GRIA4: variants seen among roughly 807,000 people sequenced by gnomAD.
The protein encoded by GRIA4 is glutamate receptor 4.
Under a neutral mutation model 104.0 loss-of-function variants are expected in GRIA4, and 34 were observed. That is an observed-to-expected ratio of 0.33 (90% CI 0.25 to 0.44). The LOEUF (loss-of-function observed/expected upper bound fraction) is 0.44, where lower values mean the gene tolerates loss of function less well. Ranked by LOEUF, GRIA4 falls within the 20% of genes least tolerant of loss-of-function variation. The pLI is 1.00. For synonymous variants in GRIA4, 386 were observed against 381.9 expected (o/e 1.01, Z -0.13); for missense variants, 750 against 1,096.5 (o/e 0.68, Z 4.46).
intron 3 of GRIA4, among the ~76,000 whole-genome samples, chr11:105,670,093 A>C (rs1478156387): frequency 6.6e-6 from 1 of 152,138 alleles, no homozygotes; most frequent in Non-Finnish European, 1.5e-5. Context: ...ATAAAAAAAT[A>C]AATTTTATTT....
At position 105,910,454 on chromosome 11, in the gene GRIA4, T is replaced by C. The variant is rs1947196504; in HGVS notation, c.1178T>C (p.Met393Thr). The change falls in exon 10 of 17, where the codon ATG (methionine) becomes ACG (threonine). Residue 393 changes from methionine (M) to threonine (T), a missense_variant. Around this residue, in one of 3 missense-constraint regions of GRIA4, gnomAD observed 410 missense variants for 502.7 expected, o/e 0.82. Transcript: ENST00000282499. ...TGGCAGGTTGGTTACTGGAATGATA[T>C]GGATAAGTTAGTCTTGATTCAAGAT... ...GPRKVGYWND[M>T]DKLVLIQDVP... is the part of the protein sequence containing the mutation. 1 of 1,575,592 alleles carries C rather than the reference T, an allele frequency of 6.3e-7. No individual in the cohort carries two copies. Among genetic ancestry groups the C allele is most frequent in the Non-Finnish European group, 8.7e-7 (1 of 1,145,122 alleles).
chr11:105,626,925 G>A (rs1243134203), intron 3 of GRIA4, among the ~76,000 whole-genome samples: 4 of 152,168 alleles, frequency 2.6e-5, no homozygotes, highest in African/African-American at 7.2e-5. Flanking sequence ...TTTAAAGCAC[G>A]AGTTATTTAG....
chr11:105,732,902 T>C (rs77700657), intron 3 of GRIA4, among the ~76,000 whole-genome samples: 1 of 152,308 alleles, frequency 6.6e-6, no homozygotes, highest in East Asian at 1.9e-4. Flanking sequence ...TAACATCCAT[T>C]ACGCTATTAT....
chr11:105,692,839 T>C (rs969234133), intron 3 of GRIA4, among the ~76,000 whole-genome samples: 1 of 152,096 alleles, frequency 6.6e-6, no homozygotes, highest in African/African-American at 2.4e-5. Context: ...ATAGTATACT[T>C]TACTTCAGTT....
chr11:105,611,425 G>A (rs1950477349), intron 2 of GRIA4, among the ~76,000 whole-genome samples: 1 of 151,776 alleles, frequency 6.6e-6, no homozygotes, highest in South Asian at 2.1e-4. Context: ...TTTCTCTAAA[G>A]CATAAAGTGA....
At position 105,789,383 on chromosome 11, in the gene GRIA4, G is replaced by A. The variant is rs144344727; in HGVS notation, c.487+36163G>A. Among the ~76,000 whole-genome samples the A allele has an allele frequency of 2.6e-3, 399 of 152,206 alleles. No individual in the cohort carries two copies. The Middle Eastern group carries it at 0.031, about 12-fold the overall frequency. ...GAGAAAGCTTTCCAAGATGATTCAA[G>A]CCCCCATTGATTTTTATCTTCTCCG... is the stretch of plus-strand genomic sequence containing the variant. On this transcript the variant is annotated intron_variant, in intron 4 of 16. Transcript: ENST00000282499.
chr11:105,828,505 G>T (rs1172403019), intron 4 of GRIA4, among the ~76,000 whole-genome samples: 1 of 151,882 alleles, frequency 6.6e-6, no homozygotes, highest in Non-Finnish European at 1.5e-5. Flanking sequence ...CTAATACAGG[G>T]TATTATCTGA....
At chr11:105,790,258 C>G (rs1484483621) in intron 4 of GRIA4, among the ~76,000 whole-genome samples, 1 of 152,174 alleles carries the variant, frequency 6.6e-6, no homozygotes, top group Non-Finnish European at 1.5e-5. Context: ...TCTAGCTCAC[C>G]TGTCAGAGAG....
At chr11:105,778,458 A>T (rs555852087) in intron 4 of GRIA4, among the ~76,000 whole-genome samples, 1 of 152,300 alleles carries the variant, frequency 6.6e-6, no homozygotes, top group South Asian at 2.1e-4. Context: ...TGTAATCCCA[A>T]CACTTTGGGA....
In GRIA4 at chr11:105,901,627, T is replaced by C. The variant is rs561072489; in HGVS notation, c.886-2187T>C. On this transcript the variant is annotated intron_variant, in intron 7 of 16. Coordinates refer to ENST00000282499, the MANE Select transcript of GRIA4 (RefSeq NM_000829.4). The stretch of plus-strand genomic sequence containing the variant: ...AAACTGATTTAAACTACTTTTTCTT[T>C]CCGTCTATCAGCTCTATGACCTGTC... 5.6e-4 allele frequency among the ~76,000 whole-genome samples: 85 copies of C among 152,350 alleles called. 1 individual carries two copies. The highest frequency in any genetic ancestry group is 6.2e-4 in the South Asian group (3 of 4,826).
chr11:105,902,668 G>C (rs1946900696), intron 7 of GRIA4, among the ~76,000 whole-genome samples: 2 of 152,102 alleles, frequency 1.3e-5, no homozygotes, highest in African/African-American at 4.8e-5. Flanking sequence ...AATTTCAAAT[G>C]ATTTTTCTTC....
intron 4 of GRIA4, among the ~76,000 whole-genome samples, chr11:105,795,174 C>T (rs1041817123): frequency 2.6e-5 from 4 of 151,976 alleles, no homozygotes; most frequent in African/African-American, 4.8e-5. Context: ...CATTTAAAAG[C>T]GTAGTTCTGA....
chr11:105,658,460 T>A (rs1488878406), intron 3 of GRIA4, among the ~76,000 whole-genome samples: 1 of 151,096 alleles, frequency 6.6e-6, no homozygotes, highest in African/African-American at 2.4e-5. Flanking sequence ...GAATCTGGAA[T>A]GTGTATAGGA....
At chr11:105,935,610 G>A (rs1198543780) in intron 14 of GRIA4, among the ~76,000 whole-genome samples, 1 of 152,132 alleles carries the variant, frequency 6.6e-6, no homozygotes, top group East Asian at 1.9e-4. Context: ...ATGCAATGGT[G>A]ATTGATATGT....
chr11:105,748,842 A>T (rs1321168189), intron 3 of GRIA4, among the ~76,000 whole-genome samples: 1 of 152,322 alleles, frequency 6.6e-6, no homozygotes, highest in Admixed American at 6.5e-5. Context: ...TTCTCAGAAA[A>T]TTCACTGAGG....
At chr11:105,842,149 A>G (rs1430967152) in intron 4 of GRIA4, among the ~76,000 whole-genome samples, 1 of 152,130 alleles carries the variant, frequency 6.6e-6, no homozygotes, top group Non-Finnish European at 1.5e-5. Flanking sequence ...CCCTAAGGAG[A>G]GAATATACCT....
At chr11:105,688,099 G>A (rs1032955090) in intron 3 of GRIA4, among the ~76,000 whole-genome samples, 1 of 144,004 alleles carries the variant, frequency 6.9e-6, no homozygotes, top group African/African-American at 2.6e-5. Flanking sequence ...CTCTCTCTCT[G>A]TCTCATATCT....
intron 14 of GRIA4, among the ~76,000 whole-genome samples, chr11:105,936,681 G>A (rs1024534975): frequency 2.0e-5 from 3 of 152,138 alleles, no homozygotes; most frequent in Admixed American, 6.6e-5. Flanking sequence ...CAGAAAAGAG[G>A]AGAGAGTACG....
intron 3 of GRIA4, among the ~76,000 whole-genome samples, chr11:105,751,211 T>C (rs1939975684): frequency 6.6e-6 from 1 of 152,120 alleles, no homozygotes; most frequent in Admixed American, 6.6e-5. Flanking sequence ...ATTTATCATG[T>C]AAAGCTTGAG....
Sources: gnomAD v4.1 joint callset for allele counts (sites outside exome capture counted in the v4.1 genomes callset) on GRCh38, gnomAD v4.1.1 for gene constraint, gnomAD v4.1.1 regional missense constraint, MANE v1.5 for transcripts, NCBI Gene and HGNC (gene_info 2026-07-23, HGNC 2026-07-21) for gene names.